HERC1: variants seen among roughly 807,000 people sequenced by gnomAD.
The protein encoded by HERC1 is probable E3 ubiquitin-protein ligase HERC1.
A neutral mutation model predicts 554.3 loss-of-function variants in HERC1; 160 were observed. The ratio of observed to expected loss-of-function variants is 0.29; its 90% CI spans 0.25 to 0.33. HERC1 has a LOEUF of 0.33. Ranked by LOEUF, HERC1 falls within the 10% of genes least tolerant of loss-of-function variation. HERC1 has a pLI of 1.00. For missense variants in HERC1, 4,919 were observed against 5,918.5 expected, an observed-to-expected ratio of 0.83 and a Z score of 5.54; for synonymous variants, 2,175 against 2,131.7, an observed-to-expected ratio of 1.02 and a Z score of -0.56.
At position 63,775,779 on chromosome 15, in the gene HERC1, T is replaced by C. The variant is rs1222882210; in HGVS notation, c.-26-130A>G. Reference sequence around the variant, plus strand: ...GCAGCCGGGTGCGGTGGCTCACGCCTGTAATCCCAACACTTTGGGAGGCCA... The same window carrying C: ...GCAGCCGGGTGCGGTGGCTCACGCCCGTAATCCCAACACTTTGGGAGGCCA... On this transcript the variant is annotated intron_variant, in intron 1 of 77. Transcript: ENST00000443617. This position sits in a 1 kb window ranked among gnomAD's most constrained non-coding sequence, Gnocchi z 4.0. 7.6e-6 allele frequency: 5 copies of C among 656,376 alleles called. No homozygotes were observed. The East Asian group carries it at 1.4e-4, about 19-fold the overall frequency. 40.7% of individuals were successfully genotyped at this position (656,376 alleles called of 1,614,324 possible).
At chr15:63,760,576 C>T (rs1200621466) in intron 3 of HERC1, among the ~76,000 whole-genome samples, 1 of 150,526 alleles carries the variant, frequency 6.6e-6, no homozygotes, top group African/African-American at 2.4e-5. Context: ...AGAAGAAACC[C>T]AAAAGTAAAT....
At position 63,632,813 on chromosome 15, in the gene HERC1, T is replaced by C. The variant is rs1458615130; in HGVS notation, c.12694-2A>G. 6.4e-7 allele frequency: 1 copy of C among 1,550,806 alleles called. No individual in the cohort carries two copies. Among genetic ancestry groups the C allele is most frequent in the Admixed American group, 1.9e-5 (1 of 51,416 alleles). ...AATTCCACAAAGGACGTCAATTTTCTACAAAATAAAAGTGTAAGGCACACA... is the reference window on the plus strand; with the variant it reads ...AATTCCACAAAGGACGTCAATTTTCCACAAAATAAAAGTGTAAGGCACACA... On this transcript the variant is annotated splice_acceptor_variant, in intron 67 of 77. Transcript: ENST00000443617. LOFTEE classifies it high-confidence loss of function.
At chr15:63,722,592 C>T (rs967418612) in intron 19 of HERC1, among the ~76,000 whole-genome samples, 2 of 152,142 alleles carry the variant, frequency 1.3e-5, no homozygotes, top group African/African-American at 4.8e-5. Flanking sequence ...TGAAATCTCA[C>T]GAAGTCACTT....
At chr15:63,730,932 A>C (rs956125341) in intron 14 of HERC1, among the ~76,000 whole-genome samples, 1 of 152,234 alleles carries the variant, frequency 6.6e-6, no homozygotes, top group Non-Finnish European at 1.5e-5. Flanking sequence ...TAAAAGCACC[A>C]TTTAAACAAC....
Position 63,637,529 on chromosome 15 carries a change from G to A in HERC1, c.12208C>T (p.Leu4070=). 1 of 1,567,778 alleles carries A rather than the reference G, an allele frequency of 6.4e-7. No individual in the cohort carries two copies. The highest frequency in any genetic ancestry group is 8.7e-7 in the Non-Finnish European group (1 of 1,154,610). The change falls in exon 64 of 78, where the codon CTG becomes TTG. Residue 4070 remains leucine, a synonymous_variant. Coordinates refer to ENST00000443617, the MANE Select transcript of HERC1 (RefSeq NM_003922.4). ...CCTTGTAAGGCTGAAATAACTGTCA[G>A]CACATGAAGGTCATCTGAATTTCCT... ...GQGNSDDLHV[L]TVISALQGFV...
At chr15:63,693,866 C>T in intron 30 of HERC1, 98 bp downstream of exon 30, 1 of 1,224,746 alleles carries the variant, frequency 8.2e-7, no homozygotes, top group East Asian at 2.5e-5. Flanking sequence ...TCCCATCATA[C>T]CTCATAAGGA....
intron 75 of HERC1, 114 bp from the exon 76 acceptor site, chr15:63,616,034 CA>C: frequency 1.1e-6 from 1 of 888,182 alleles, no homozygotes; most frequent in East Asian, 2.7e-5. Flanking sequence ...AGGATAAAAA[CA>C]AGGAACACAA....
intron 74 of HERC1, among the ~76,000 whole-genome samples, chr15:63,620,680 G>T (rs1425199672): frequency 6.6e-6 from 1 of 151,964 alleles, no homozygotes; most frequent in Non-Finnish European, 1.5e-5. Context: ...GGGTGCTCCT[G>T]TATTGGGTGC....
chr15:63,659,614 G>T (rs2070246203), intron 47 of HERC1, 122 bp downstream of exon 47: 1 of 711,262 alleles, frequency 1.4e-6, no homozygotes, highest in African/African-American at 1.8e-5. Context: ...AGACTTGTTG[G>T]GGTGAGATAA....
chr15:63,694,103 G>C lies in HERC1; in HGVS notation c.5535C>G (p.Leu1845=). Residue 1845 remains leucine, a synonymous_variant, in exon 30 of 78, where the codon CTC becomes CTG. Coordinates refer to ENST00000443617, the MANE Select transcript of HERC1 (RefSeq NM_003922.4). This position sits in a 1 kb window ranked among gnomAD's most constrained non-coding sequence, Gnocchi z 4.3. ...ACAATAAATTCTTCAACTGACTACA[G>C]AGTAGATCCAACAAGGATTGAACTA... ...PKVVQSLLDL[L]CSQLKNLLSQ... 4 of 1,610,544 alleles carry C rather than the reference G, an allele frequency of 2.5e-6. No homozygotes were observed. The highest frequency in any genetic ancestry group is 3.4e-6 in the Non-Finnish European group (4 of 1,178,298).
At chr15:63,769,393 G>A (rs765585983) in intron 2 of HERC1, among the ~76,000 whole-genome samples, 9 of 152,016 alleles carry the variant, frequency 5.9e-5, no homozygotes, top group Non-Finnish European at 8.8e-5. Flanking sequence ...GCACTCCAGA[G>A]TGGGTGACAG....
chr15:63,643,620 C>T, intron 57 of HERC1, 70 bp from the exon 58 acceptor site: 1 of 1,180,944 alleles, frequency 8.5e-7, no homozygotes. Flanking sequence ...TTATCATTCA[C>T]TCTTGGAAAT....
At position 63,749,392 on chromosome 15, in the gene HERC1, C is replaced by A. The variant is rs778112590; in HGVS notation, c.2194G>T (p.Ala732Ser). Residue 732 changes from alanine to serine, a missense_variant, in exon 10 of 78, where the codon GCA becomes TCA. Physicochemically the swap from Ala to Ser is moderately conservative, Grantham distance 99 (BLOSUM62 1). Coordinates refer to ENST00000443617, the MANE Select transcript of HERC1 (RefSeq NM_003922.4). This position sits in a 1 kb window ranked among gnomAD's most constrained non-coding sequence, Gnocchi z 4.1. Reference protein sequence around the residue: ...QISAGTSHSLAWTALPRDRQV... With the variant: ...QISAGTSHSLSWTALPRDRQV... ...CTGTCCCTAGGAAGAGCAGTCCATG[C>A]CAGACTATGTGATGTTCCAGCCGAA... is the stretch of plus-strand genomic sequence containing the variant. 5 of 1,612,942 alleles carry A rather than the reference C, an allele frequency of 3.1e-6. No individual in the cohort carries two copies. In the African/African-American group the frequency reaches 4.0e-5, roughly 13 times the overall value.
At chr15:63,764,563 T>G (rs2075712298) in intron 2 of HERC1, among the ~76,000 whole-genome samples, 1 of 152,184 alleles carries the variant, frequency 6.6e-6, no homozygotes, top group Non-Finnish European at 1.5e-5. Flanking sequence ...ATGGGTATAT[T>G]GCCCACCTGC....
chr15:63,748,659 T>C (rs2141743450), intron 10 of HERC1, among the ~76,000 whole-genome samples: 1 of 152,310 alleles, frequency 6.6e-6, no homozygotes, highest in South Asian at 2.1e-4. Context: ...TCAACTTATT[T>C]ATTTTGGCTT....
chr15:63,650,812 T>A (rs962872675), intron 53 of HERC1, among the ~76,000 whole-genome samples: 6 of 152,120 alleles, frequency 3.9e-5, no homozygotes, highest in African/African-American at 1.4e-4. Flanking sequence ...CTCAAATATG[T>A]AAAAACAAAT....
chr15:63,787,853 T>C (rs2076506281), intron 1 of HERC1, among the ~76,000 whole-genome samples: 1 of 147,632 alleles, frequency 6.8e-6, no homozygotes, highest in Non-Finnish European at 1.5e-5. Flanking sequence ...TGGTCCCAGC[T>C]GGGGAGGCAT....
rs139254869 is a variant in HERC1 at position 63,691,419 on chromosome 15, T to C, written c.5831-772A>G. Among the ~76,000 whole-genome samples the C allele has an allele frequency of 9.6e-3, 1,455 of 152,018 alleles. 32 individuals are homozygous for C. Among genetic ancestry groups the C allele is most frequent in the African/African-American group, 0.034 (1,398 of 41,472 alleles). ...AGTGAGAGGTTGCAGTGAGTTGAGATCACACCACTGCACTCCAGCCTGGGC... is the reference window on the plus strand; with the variant it reads ...AGTGAGAGGTTGCAGTGAGTTGAGACCACACCACTGCACTCCAGCCTGGGC... On this transcript the variant is annotated intron_variant, in intron 31 of 77. Transcript: ENST00000443617.
At chr15:63,755,105 C>A in intron 6 of HERC1, 124 bp downstream of exon 6, 1 of 673,718 alleles carries the variant, frequency 1.5e-6, no homozygotes, top group South Asian at 1.8e-5. Flanking sequence ...TTATCTTCCT[C>A]TGAGCTTAAA....
Sources: allele counts gnomAD v4.1 joint callset (sites outside exome capture counted in the v4.1 genomes callset), GRCh38; gene constraint gnomAD v4.1.1; non-coding constraint Gnocchi (gnomAD v3.1); transcripts MANE v1.5; gene names NCBI Gene and HGNC (gene_info 2026-07-23, HGNC 2026-07-21).